Variants in SEMA5A observed in about 807,000 individuals in gnomAD.
SEMA5A encodes the protein semaphorin 5A.
SEMA5A carries 55 observed loss-of-function variants against 135.5 expected under a neutral mutation model. The ratio of observed to expected loss-of-function variants is 0.41; its 90% CI spans 0.33 to 0.51. The LOEUF (loss-of-function observed/expected upper bound fraction) is 0.51. SEMA5A is among the 20% of genes least tolerant of loss of function. SEMA5A has a pLI of 0.37. For missense variants in SEMA5A, 1,290 were observed against 1,419.9 expected (o/e 0.91, Z 1.47); for synonymous variants, 580 against 546.5 (o/e 1.06, Z -0.85).
chr5:9,049,897 G>C (rs551657847), intron 21 of SEMA5A, among the ~76,000 whole-genome samples: 1 of 152,214 alleles, frequency 6.6e-6, no homozygotes, highest in Non-Finnish European at 1.5e-5. Flanking sequence ...AGCACTATAG[G>C]TATAACCTTA....
intron 1 of SEMA5A, among the ~76,000 whole-genome samples, chr5:9,476,749 C>A (rs879664609): frequency 1.3e-5 from 2 of 152,056 alleles, no homozygotes; most frequent in African/African-American, 4.8e-5. Flanking sequence ...TCTACTAAGG[C>A]AAAATAAAAA....
chr5:9,175,019 A>G (rs546414373), intron 11 of SEMA5A, among the ~76,000 whole-genome samples: 1 of 152,328 alleles, frequency 6.6e-6, no homozygotes, highest in African/African-American at 2.4e-5. Context: ...TATGGTTCTA[A>G]GAAGTATTTT....
chr5:9,051,728 G>A (rs969297532), intron 20 of SEMA5A, 145 bp downstream of exon 20: 116 of 934,552 alleles, frequency 1.2e-4, no homozygotes, highest in East Asian at 2.1e-4. Context: ...ATAGACCTAC[G>A]TTTTAAACAC....
Position 9,518,180 on chromosome 5 carries a change from T to C in SEMA5A, c.-175+27404A>G, listed in dbSNP as rs546586291. The C allele has an allele frequency of 1.1e-4, 17 of 152,326 alleles. No individual in the cohort carries two copies. In the East Asian group the frequency reaches 3.1e-3, roughly 28 times the overall value. 9.4% of individuals were successfully genotyped at this position (152,326 alleles called of 1,614,324 possible). A position where few individuals can be genotyped will look rare whatever the true frequency, so the allele number is the denominator to read the frequency against. ...ATGTGAGTGCTTTGCTCATGCACCA[T>C]CATAAATTGTTTGATTTGCTACAGA... On this transcript the variant is annotated intron_variant, in intron 1 of 22. Transcript: ENST00000382496.
At chr5:9,227,951 C>T (rs534261447) in intron 6 of SEMA5A, among the ~76,000 whole-genome samples, 1 of 152,302 alleles carries the variant, frequency 6.6e-6, no homozygotes, top group South Asian at 2.1e-4. Context: ...GAGGGATACT[C>T]CAAGAATGGA....
At chr5:9,292,723 T>C (rs1411933670) in intron 5 of SEMA5A, among the ~76,000 whole-genome samples, 2 of 152,226 alleles carry the variant, frequency 1.3e-5, no homozygotes, top group Admixed American at 6.5e-5. Context: ...GTTTAGATTA[T>C]ATGAGTAATT....
At chr5:9,152,931 G>A (rs1742710150) in intron 12 of SEMA5A, among the ~76,000 whole-genome samples, 1 of 152,156 alleles carries the variant, frequency 6.6e-6, no homozygotes, top group Admixed American at 6.5e-5. Flanking sequence ...AATTAGCTGG[G>A]CATGCTGGCA....
At chr5:9,268,906 G>A (rs1749823900) in intron 5 of SEMA5A, among the ~76,000 whole-genome samples, 1 of 152,066 alleles carries the variant, frequency 6.6e-6, no homozygotes, top group Admixed American at 6.5e-5. Context: ...TTTAAAGTAA[G>A]TATATTTCTA....
chr5:9,509,647 A>G lies in SEMA5A; in HGVS notation c.-175+35937T>C, dbSNP rs149523224. 4.0e-3 allele frequency among the ~76,000 whole-genome samples: 607 copies of G among 152,280 alleles called. 1 individual carries two copies. Among genetic ancestry groups the G allele is most frequent in the African/African-American group, 0.014 (589 of 41,566 alleles). On this transcript the variant is annotated intron_variant, in intron 1 of 22. Transcript: ENST00000382496. ...AGCCCCTGCAATACCACAGTATTAG[A>G]CTATCCATATGTACCCAAAGTTTAT...
At chr5:9,308,609 A>G (rs773950189) in intron 5 of SEMA5A, among the ~76,000 whole-genome samples, 6 of 152,156 alleles carry the variant, frequency 3.9e-5, no homozygotes, top group Non-Finnish European at 7.4e-5. Flanking sequence ...TTGAATTTCA[A>G]TTAAAAATTA....
chr5:9,083,600 A>G (rs949067099), intron 16 of SEMA5A, among the ~76,000 whole-genome samples: 2 of 151,318 alleles, frequency 1.3e-5, no homozygotes, highest in Non-Finnish European at 2.9e-5. Context: ...CCATCCATCC[A>G]TCCATCCATC....
chr5:9,215,252 G>A (rs929399110), intron 8 of SEMA5A, among the ~76,000 whole-genome samples: 5 of 152,126 alleles, frequency 3.3e-5, no homozygotes, highest in Non-Finnish European at 7.3e-5. Context: ...AGAAGAAAGA[G>A]CATTAAGATT....
chr5:9,417,388 T>C (rs1757318385), intron 2 of SEMA5A, among the ~76,000 whole-genome samples: 1 of 152,232 alleles, frequency 6.6e-6, no homozygotes, highest in East Asian at 1.9e-4. Context: ...TTTTCTAAAA[T>C]TTCTCACATA....
At chr5:9,047,969 G>C (rs887493669) in intron 21 of SEMA5A, among the ~76,000 whole-genome samples, 3 of 152,154 alleles carry the variant, frequency 2.0e-5, no homozygotes, top group African/African-American at 7.2e-5. Context: ...GGCTCAGCAG[G>C]AGGAAAGTGA....
At chr5:9,270,494 A>G (rs760221845) in intron 5 of SEMA5A, among the ~76,000 whole-genome samples, 5 of 152,136 alleles carry the variant, frequency 3.3e-5, no homozygotes, top group East Asian at 3.8e-4. Flanking sequence ...AGCAAGTCCC[A>G]TAGGAAACAA....
chr5:9,061,507 G>A (rs554067940), intron 18 of SEMA5A, among the ~76,000 whole-genome samples: 15 of 152,274 alleles, frequency 9.9e-5, no homozygotes, highest in Admixed American at 4.6e-4. Flanking sequence ...GCCATGACGT[G>A]TGGGCTGAAG....
At chr5:9,381,483 T>G (rs1377190019) in intron 2 of SEMA5A, among the ~76,000 whole-genome samples, 2 of 152,154 alleles carry the variant, frequency 1.3e-5, no homozygotes, top group African/African-American at 4.8e-5. Flanking sequence ...ACAGAAGTCA[T>G]GTTGTGCTAG....
intron 5 of SEMA5A, among the ~76,000 whole-genome samples, chr5:9,247,568 A>G (rs1205900783): frequency 6.6e-6 from 1 of 152,166 alleles, no homozygotes; most frequent in Non-Finnish European, 1.5e-5. Context: ...TTTTATACTC[A>G]TGGAACAACT....
chr5:9,382,745 C>G (rs188962410), intron 2 of SEMA5A, among the ~76,000 whole-genome samples: 2 of 152,208 alleles, frequency 1.3e-5, no homozygotes, highest in Admixed American at 1.3e-4. Context: ...TGCAAAGGAA[C>G]CAAGAAGCAT....
Sources: allele counts gnomAD v4.1 joint callset (sites outside exome capture counted in the v4.1 genomes callset), GRCh38; gene constraint gnomAD v4.1.1; transcripts MANE v1.5; gene names NCBI Gene and HGNC (gene_info 2026-07-23, HGNC 2026-07-21).